LYPLA1: variants seen among roughly 807,000 people sequenced by gnomAD.
LYPLA1 encodes lysophospholipase 1, also known as acyl-protein thioesterase 1.
LYPLA1 carries 17 observed loss-of-function variants against 34.0 expected under a neutral mutation model. That is an observed-to-expected ratio of 0.50 (90% confidence interval 0.34 to 0.75). The LOEUF is 0.75. Ranked by LOEUF, LYPLA1 falls within the 30% of genes least tolerant of loss-of-function variation. The probability of loss-of-function intolerance (pLI) is 0.01; values close to 1 mark genes in which losing one functional copy is unlikely to be tolerated. For missense variants in LYPLA1, 203 were observed against 288.8 expected, an observed-to-expected ratio of 0.70 and a Z score of 2.15; for synonymous variants, 98 against 100.8, an observed-to-expected ratio of 0.97 and a Z score of 0.17.
At chr8:54,070,442 G>A (rs779328681) in intron 2 of LYPLA1, among the ~76,000 whole-genome samples, 3 of 152,194 alleles carry the variant, frequency 2.0e-5, no homozygotes, top group Non-Finnish European at 4.4e-5. Flanking sequence ...AACAAAATGA[G>A]GCCAGGCGTG....
At position 54,052,501 on chromosome 8, in the gene LYPLA1, C is replaced by T. The variant is rs968757303; in HGVS notation, c.462+154G>A. ...TGTGGGGACAGGAGGTAGATAGTAACTCTGTACCTTCTGCTCAGTTTTGCT... is the reference window on the plus strand; with the variant it reads ...TGTGGGGACAGGAGGTAGATAGTAATTCTGTACCTTCTGCTCAGTTTTGCT... On this transcript the variant is annotated intron_variant, in intron 7 of 8. Transcript: ENST00000316963. Among the ~76,000 whole-genome samples, 7 of 152,006 alleles carry T rather than the reference C, an allele frequency of 4.6e-5. No homozygotes were observed. In the East Asian group the frequency reaches 1.2e-3, roughly 25 times the overall value.
chr8:54,096,857 G>A (rs768262451), intron 2 of LYPLA1, among the ~76,000 whole-genome samples: 13 of 152,126 alleles, frequency 8.5e-5, no homozygotes, highest in Non-Finnish European at 1.8e-4. Context: ...TCAGTGAGCC[G>A]AGATTGCACC....
chr8:54,087,355 G>A (rs1025714371), intron 2 of LYPLA1, among the ~76,000 whole-genome samples: 6 of 152,220 alleles, frequency 3.9e-5, no homozygotes, highest in African/African-American at 1.4e-4. Flanking sequence ...AAACTGGGCA[G>A]GGCATGGCAG....
At chr8:54,101,020 G>T (rs1425717907) in intron 1 of LYPLA1, 81 bp from the exon 2 acceptor site, 2 of 1,178,036 alleles carry the variant, frequency 1.7e-6, no homozygotes, top group Admixed American at 1.9e-5. Context: ...TGCTTAAGGT[G>T]GAAAACGGAA....
intron 8 of LYPLA1, among the ~76,000 whole-genome samples, chr8:54,048,402 G>A (rs1246616092): frequency 2.6e-5 from 4 of 152,148 alleles, no homozygotes; most frequent in Non-Finnish European, 5.9e-5. Flanking sequence ...GTTTAGAAGC[G>A]ATGGTGCCTA....
At chr8:54,062,179 G>A (rs1806687553) in intron 5 of LYPLA1, 75 bp downstream of exon 5, 2 of 1,058,420 alleles carry the variant, frequency 1.9e-6, no homozygotes, top group Non-Finnish European at 2.9e-6. Context: ...TTTTTAACCA[G>A]TAGCGATATG....
chr8:54,065,683 T>C, intron 3 of LYPLA1, 65 bp downstream of exon 3: 1 of 1,226,212 alleles, frequency 8.2e-7, no homozygotes, highest in East Asian at 2.3e-5. Context: ...TCTGGAAGGG[T>C]AAAGCAATCA....
intron 2 of LYPLA1, among the ~76,000 whole-genome samples, chr8:54,085,802 C>T (rs1451217744): frequency 8.9e-5 from 10 of 112,854 alleles, no homozygotes; most frequent in East Asian, 4.1e-4. Flanking sequence ...GCCCCGTCCG[C>T]GAGGTGGGGG....
intron 8 of LYPLA1, among the ~76,000 whole-genome samples, chr8:54,048,597 G>C (rs1408933665): frequency 6.6e-6 from 1 of 152,152 alleles, no homozygotes; most frequent in African/African-American, 2.4e-5. Context: ...ATGTTCCTGG[G>C]AAGATATGAA....
At position 54,056,185 on chromosome 8, in the gene LYPLA1, C is replaced by T. The variant is rs142337700; in HGVS notation, c.287-1052G>A. The stretch of plus-strand genomic sequence containing the variant: ...TCATTTTTGACAAAGGTGTCAAGAA[C>T]ATACACTGGGGAAAAGACAGTCTCT... On this transcript the variant is annotated intron_variant, in intron 5 of 8. Transcript: ENST00000316963. Among the ~76,000 whole-genome samples the T allele has an allele frequency of 1.3e-3, 203 of 152,256 alleles. 5 individuals are homozygous for T. The East Asian group carries it at 0.033, about 25-fold the overall frequency.
intron 4 of LYPLA1, 146 bp downstream of exon 4, chr8:54,063,182 A>G: frequency 1.8e-6 from 1 of 562,994 alleles, no homozygotes; most frequent in South Asian, 2.7e-5. Context: ...CCCTAAATCC[A>G]GAGTATGAAA....
At chr8:54,044,905 T>C (rs1805442437), downstream of LYPLA1, 1 of 152,240 alleles carries the variant, frequency 6.6e-6, no homozygotes, top group African/African-American at 2.4e-5. Context: ...GATTGTACTT[T>C]ATGGTGAGCT....
At chr8:54,090,595 T>C (rs888949604) in intron 2 of LYPLA1, among the ~76,000 whole-genome samples, 2 of 152,116 alleles carry the variant, frequency 1.3e-5, no homozygotes, top group African/African-American at 4.8e-5. Context: ...TCACTAAACT[T>C]AGTAATAAAT....
At chr8:54,080,213 C>T (rs1243376420) in intron 2 of LYPLA1, among the ~76,000 whole-genome samples, 1 of 152,022 alleles carries the variant, frequency 6.6e-6, no homozygotes, top group African/African-American at 2.4e-5. Flanking sequence ...ATGGCAAAAC[C>T]CTGTCTCTAC....
At chr8:54,052,581 G>T (rs1447460340) in intron 7 of LYPLA1, 74 bp downstream of exon 7, 3 of 900,132 alleles carry the variant, frequency 3.3e-6, no homozygotes, top group South Asian at 3.2e-5. Context: ...AAAATAAGAT[G>T]ACTTTATCTC....
chr8:54,066,253 A>T (rs1359964654), intron 2 of LYPLA1, among the ~76,000 whole-genome samples: 1 of 152,032 alleles, frequency 6.6e-6, no homozygotes, highest in Non-Finnish European at 1.5e-5. Flanking sequence ...TATCTTTAAA[A>T]TGTGGGCCCT....
At chr8:54,082,024 CT>C (rs963759199) in intron 2 of LYPLA1, among the ~76,000 whole-genome samples, 1 of 152,142 alleles carries the variant, frequency 6.6e-6, no homozygotes, top group African/African-American at 2.4e-5. Flanking sequence ...GCCACCGCAT[CT>C]GAGGAGAGAA....
intron 2 of LYPLA1, among the ~76,000 whole-genome samples, chr8:54,086,841 C>T (rs1255418989): frequency 6.6e-6 from 1 of 152,092 alleles, no homozygotes; most frequent in African/African-American, 2.4e-5. Flanking sequence ...CAGAGCGAGA[C>T]CCTGTCTCAA....
intron 2 of LYPLA1, chr8:54,100,672 G>A (rs1810058576): frequency 4.0e-6 from 2 of 503,710 alleles, no homozygotes; most frequent in Admixed American, 7.7e-5. Flanking sequence ...AACTAATGAG[G>A]AATTTGAAAT....
Sources: allele counts gnomAD v4.1 joint callset (sites outside exome capture counted in the v4.1 genomes callset), GRCh38; gene constraint gnomAD v4.1.1; transcripts MANE v1.5; gene names NCBI Gene and HGNC (gene_info 2026-07-23, HGNC 2026-07-21).